Variants in BTBD9 observed in about 807,000 individuals in gnomAD.
The protein encoded by BTBD9 is BTB domain containing 9, also known as BTB/POZ domain-containing protein 9.
Under a neutral mutation model 64.3 loss-of-function variants are expected in BTBD9, and 49 were observed. That is an observed-to-expected ratio of 0.76 (90% CI 0.61 to 0.97). BTBD9 has a LOEUF of 0.97. Ranked by LOEUF, BTBD9 falls within the 50% of genes least tolerant of loss-of-function variation. The pLI is 0.00. For synonymous variants in BTBD9, 260 were observed against 274.7 expected (o/e 0.95, Z 0.53); for missense variants, 598 against 762.1 (o/e 0.78, Z 2.53).
intron 8 of BTBD9, among the ~76,000 whole-genome samples, chr6:38,276,899 G>A (rs896076857): frequency 6.6e-6 from 1 of 152,092 alleles, no homozygotes; most frequent in African/African-American, 2.4e-5. Context: ...AAATAATGTA[G>A]GTATGCCGTA....
intron 9 of BTBD9, among the ~76,000 whole-genome samples, chr6:38,207,029 C>T (rs1056777549): frequency 1.3e-5 from 2 of 152,128 alleles, no homozygotes; most frequent in African/African-American, 4.8e-5. Context: ...CCAGCAATTC[C>T]CTTATACTAC....
chr6:38,392,927 T>C (rs1582352700), intron 6 of BTBD9, among the ~76,000 whole-genome samples: 1 of 146,976 alleles, frequency 6.8e-6, no homozygotes, highest in Admixed American at 7.0e-5. Flanking sequence ...CAGGCTAGAG[T>C]GCAGTGGCAT....
At chr6:38,330,619 A>G (rs116155174) in intron 7 of BTBD9, among the ~76,000 whole-genome samples, 1,958 of 152,334 alleles carry the variant, frequency 0.013, 20 homozygotes, top group Non-Finnish European at 0.019. Flanking sequence ...TTCATTGGAA[A>G]AGAAAATTGG....
At chr6:38,615,272 CT>C (rs1284122157) in intron 1 of BTBD9, among the ~76,000 whole-genome samples, 16 of 152,240 alleles carry the variant, frequency 1.1e-4, no homozygotes, top group Non-Finnish European at 1.8e-4. Context: ...AATTGTATCT[CT>C]TTGTATTTAT....
intron 4 of BTBD9, among the ~76,000 whole-genome samples, chr6:38,585,823 A>C (rs1392005541): frequency 6.6e-6 from 1 of 152,098 alleles, no homozygotes; most frequent in African/African-American, 2.4e-5. Flanking sequence ...ATTGTTCAAA[A>C]AGCTCAACCT....
intron 6 of BTBD9, among the ~76,000 whole-genome samples, chr6:38,348,177 ATTGAAAAATCCAAGGGATAGGAATGGG>A (rs1764363005): frequency 6.6e-6 from 1 of 152,212 alleles, no homozygotes; most frequent in Non-Finnish European, 1.5e-5. Context: ...TACCCAAGTT[ATTGAAAAATCCAAGGGATAGGAATGGG>A]AGAGTCCTCT....
intron 6 of BTBD9, among the ~76,000 whole-genome samples, chr6:38,501,694 C>T (rs1772208861): frequency 6.6e-6 from 1 of 152,120 alleles, no homozygotes; most frequent in Admixed American, 6.5e-5. Context: ...AGTTATTTAC[C>T]TCCCATGTCT....
chr6:38,254,854 G>A (rs903601872), intron 9 of BTBD9, among the ~76,000 whole-genome samples: 7 of 152,246 alleles, frequency 4.6e-5, no homozygotes, highest in Non-Finnish European at 4.4e-5. Flanking sequence ...AATTTTGGCA[G>A]TTCCTCAAAA....
At chr6:38,286,047 G>T (rs1444526873) in intron 8 of BTBD9, among the ~76,000 whole-genome samples, 2 of 152,182 alleles carry the variant, frequency 1.3e-5, no homozygotes, top group African/African-American at 4.8e-5. Context: ...CTATTCGACA[G>T]AAGTTTATTT....
rs555655600 is a variant in BTBD9 at position 38,601,255 on chromosome 6, T to A, written c.-27-3134A>T. 6.6e-5 allele frequency among the ~76,000 whole-genome samples: 10 copies of A among 152,176 alleles called. No homozygotes were observed. The East Asian group carries it at 1.9e-3, about 29-fold the overall frequency. On this transcript the variant is annotated intron_variant, in intron 1 of 10. Transcript: ENST00000481247. ...TATACAAAAACATCCACAGAAAAAA[T>A]TTATTTAGGATATAATTTAATTTGA... is the stretch of plus-strand genomic sequence containing the variant.
intron 6 of BTBD9, among the ~76,000 whole-genome samples, chr6:38,351,504 G>T (rs539712164): frequency 7.0e-4 from 68 of 96,648 alleles, no homozygotes; most frequent in South Asian, 2.8e-3. Context: ...TTTAATTGTT[G>T]TTGTTTTTTT....
chr6:38,412,004 T>C (rs548585713), intron 6 of BTBD9, among the ~76,000 whole-genome samples: 1 of 152,202 alleles, frequency 6.6e-6, no homozygotes, highest in Non-Finnish European at 1.5e-5. Context: ...CACACATATA[T>C]ATAAAATAAA....
At chr6:38,406,053 T>A (rs1314715775) in intron 6 of BTBD9, among the ~76,000 whole-genome samples, 1 of 152,210 alleles carries the variant, frequency 6.6e-6, no homozygotes, top group Non-Finnish European at 1.5e-5. Flanking sequence ...ACTATTCAAG[T>A]GGGCTCAACT....
At chr6:38,413,215 G>A (rs1329160000) in intron 6 of BTBD9, among the ~76,000 whole-genome samples, 1 of 151,922 alleles carries the variant, frequency 6.6e-6, no homozygotes, top group Non-Finnish European at 1.5e-5. Flanking sequence ...CTCCTCTTCA[G>A]TAACGTGGCT....
At chr6:38,518,780 T>C (rs1384636578) in intron 6 of BTBD9, among the ~76,000 whole-genome samples, 1 of 152,236 alleles carries the variant, frequency 6.6e-6, no homozygotes, top group African/African-American at 2.4e-5. Context: ...GCATAAAGCA[T>C]CTGGCTGGTT....
At chr6:38,561,644 G>C (rs1042518149) in intron 6 of BTBD9, among the ~76,000 whole-genome samples, 2 of 152,110 alleles carry the variant, frequency 1.3e-5, no homozygotes, top group African/African-American at 4.8e-5. Context: ...GTCCCTTGCA[G>C]CAACATGAAT....
chr6:38,318,649 ATGC>A (rs527506173), intron 7 of BTBD9, among the ~76,000 whole-genome samples: 262 of 152,282 alleles, frequency 1.7e-3, no homozygotes, highest in African/African-American at 5.5e-3. Flanking sequence ...TCTCTGCTTC[ATGC>A]TGGGGGAAGA....
At chr6:38,266,007 C>G (rs1764960088) in intron 8 of BTBD9, among the ~76,000 whole-genome samples, 1 of 152,144 alleles carries the variant, frequency 6.6e-6, no homozygotes, top group Non-Finnish European at 1.5e-5. Flanking sequence ...CATAGTCCCA[C>G]CTCACATTCA....
At chr6:38,212,772 T>A (rs2395695) in intron 9 of BTBD9, among the ~76,000 whole-genome samples, 2 of 151,928 alleles carry the variant, frequency 1.3e-5, no homozygotes, top group African/African-American at 2.4e-5. Flanking sequence ...GGAGGGCAGG[T>A]GAGCTCTGAA....
Sources: gnomAD v4.1 joint callset for allele counts (sites outside exome capture counted in the v4.1 genomes callset) on GRCh38, gnomAD v4.1.1 for gene constraint, MANE v1.5 for transcripts, NCBI Gene and HGNC (gene_info 2026-07-23, HGNC 2026-07-21) for gene names.